The following WAPL variants were observed in gnomAD, a reference collection of about 807,000 sequenced individuals.
WAPL encodes the protein wings apart-like protein homolog.
WAPL carries 5 observed loss-of-function variants against 121.0 expected under a neutral mutation model. The observed-to-expected ratio is 0.04, with a 90% CI of 0.02 to 0.09. WAPL has a LOEUF of 0.09. Ranked by LOEUF, WAPL falls within the 10% of genes least tolerant of loss-of-function variation. The probability of loss-of-function intolerance (pLI) is 1.00; values close to 1 mark genes in which losing one functional copy is unlikely to be tolerated. For missense variants in WAPL, 999 were observed against 1,410.8 expected (o/e 0.71, Z 4.68); for synonymous variants, 480 against 481.5 (o/e 1.00, Z 0.04).
intron 11 of WAPL, 35 bp downstream of exon 11, chr10:86,460,364 T>G: frequency 1.3e-6 from 2 of 1,540,300 alleles, no homozygotes; most frequent in Non-Finnish European, 1.8e-6. Context: ...CAATTAAGAC[T>G]GAATAATTTT....
intron 2 of WAPL, 127 bp downstream of exon 2, chr10:86,517,444 T>A (rs778634346): frequency 2.3e-6 from 3 of 1,321,808 alleles, no homozygotes; most frequent in Non-Finnish European, 3.0e-6. Context: ...TTTACAAAAC[T>A]ATCAATGGTC....
chr10:86,465,316 A>G (rs1841373017), intron 9 of WAPL, among the ~76,000 whole-genome samples: 1 of 152,006 alleles, frequency 6.6e-6, no homozygotes, highest in East Asian at 1.9e-4. Context: ...GGCGATTCTC[A>G]TGTCTCAGAC....
chr10:86,450,525 C>T (rs1840951799), intron 15 of WAPL, among the ~76,000 whole-genome samples: 1 of 152,150 alleles, frequency 6.6e-6, no homozygotes, highest in South Asian at 2.1e-4. Context: ...TGTGAGCTAC[C>T]TTGCCCGGCC....
intron 15 of WAPL, among the ~76,000 whole-genome samples, chr10:86,449,057 G>A (rs1310021694): frequency 9.9e-5 from 15 of 152,116 alleles, no homozygotes; most frequent in Admixed American, 6.5e-5. Flanking sequence ...CCCCCACTAC[G>A]TATGTGAATT....
In WAPL at chr10:86,521,731, C is replaced by T. The variant is rs1255914964; in HGVS notation, c.-389G>A. 2.2e-6 allele frequency: 1 copy of T among 450,786 alleles called. No individual in the cohort carries two copies. The allele number at this position is 450,786 out of a possible 1,614,324, so 27.9% of individuals were successfully genotyped here. A position where few individuals can be genotyped will look rare whatever the true frequency, so the allele number is the denominator to read the frequency against. ...GAGTTTGAACAGGGCCCTGAACCAT[C>T]TCAACGCCATTTGCGCTCCCGGCCC... On this transcript the variant is annotated 5_prime_UTR_variant, in exon 1 of 19. Coordinates refer to ENST00000298767, the MANE Select transcript of WAPL (RefSeq NM_015045.5).
At chr10:86,463,061 AC>A (rs1435149313) in intron 9 of WAPL, among the ~76,000 whole-genome samples, 4 of 152,258 alleles carry the variant, frequency 2.6e-5, no homozygotes, top group African/African-American at 9.6e-5. Flanking sequence ...AAAACAGCCT[AC>A]TAATCAAGCA....
intron 2 of WAPL, among the ~76,000 whole-genome samples, chr10:86,511,551 A>G (rs1450065521): frequency 2.0e-5 from 3 of 152,214 alleles, no homozygotes; most frequent in African/African-American, 7.2e-5. Flanking sequence ...TCAACCTCTG[A>G]ACTGTGCCTT....
chr10:86,486,179 TAGTC>T (rs1237093892), intron 4 of WAPL, among the ~76,000 whole-genome samples: 6 of 152,260 alleles, frequency 3.9e-5, no homozygotes, highest in Admixed American at 3.3e-4. Flanking sequence ...GATCTCAAGA[TAGTC>T]AGTGAGTCCC....
At chr10:86,496,269 A>G (rs922040734) in intron 4 of WAPL, among the ~76,000 whole-genome samples, 5 of 152,236 alleles carry the variant, frequency 3.3e-5, no homozygotes, top group African/African-American at 1.2e-4. Context: ...CCATTAGGCT[A>G]TTATCAAAAA....
At chr10:86,468,622 C>T (rs1841458075) in intron 8 of WAPL, among the ~76,000 whole-genome samples, 1 of 152,178 alleles carries the variant, frequency 6.6e-6, no homozygotes. Context: ...GTGTTTACAT[C>T]TGTATATAAA....
intron 16 of WAPL, chr10:86,443,569 T>C (rs963753320): frequency 2.1e-6 from 1 of 480,914 alleles, no homozygotes; most frequent in African/African-American, 1.9e-5. Flanking sequence ...AAACTTTTAG[T>C]TAAAATTTTT....
chr10:86,472,474 G>C lies in WAPL; in HGVS notation c.1894-130C>G. The C allele has an allele frequency of 6.7e-7, 1 of 1,500,120 alleles. No individual in the cohort carries two copies. 92.9% of individuals were successfully genotyped at this position (1,500,120 alleles called of 1,614,324 possible). A position where few individuals can be genotyped will look rare whatever the true frequency, so the allele number is the denominator to read the frequency against. On this transcript the variant is annotated intron_variant, in intron 6 of 18. Transcript: ENST00000298767. The surrounding 1 kb of genome is among the most constrained non-coding windows in gnomAD (Gnocchi z 4.2). ...GGCAACAAAAATATTTTTAGAACAA[G>C]GATGATGGTAGGACAAAAGAAGTTT...
intron 2 of WAPL, among the ~76,000 whole-genome samples, chr10:86,510,099 G>C (rs1272117558): frequency 9.2e-6 from 1 of 109,220 alleles, no homozygotes; most frequent in African/African-American, 3.8e-5. Flanking sequence ...TTTTGAGACA[G>C]AGTCTCGTTC....
At position 86,446,102 on chromosome 10, in the gene WAPL, C is replaced by T. The variant is rs189393457; in HGVS notation, c.3322+140G>A. On this transcript the variant is annotated intron_variant, in intron 16 of 18. Coordinates refer to ENST00000298767, the MANE Select transcript of WAPL (RefSeq NM_015045.5). ...AGAACTACCACAAGCACTTAAGTAT[C>T]AAAGCTTGTCTGGACTGAACTAGAG... 233 of 890,364 alleles carry T rather than the reference C, an allele frequency of 2.6e-4. No individual in the cohort carries two copies. In the African/African-American group the frequency reaches 2.8e-3, roughly 11 times the overall value. The allele number at this position is 890,364 out of a possible 1,614,324, so 55.2% of individuals were successfully genotyped here.
chr10:86,454,226 G>A (rs982000355), intron 12 of WAPL, among the ~76,000 whole-genome samples: 6 of 152,146 alleles, frequency 3.9e-5, no homozygotes, highest in Non-Finnish European at 8.8e-5. Flanking sequence ...ACGCATTAGA[G>A]CAAATCATTA....
At chr10:86,457,199 C>T (rs1411985011) in intron 12 of WAPL, among the ~76,000 whole-genome samples, 1 of 151,940 alleles carries the variant, frequency 6.6e-6, no homozygotes, top group African/African-American at 2.4e-5. Context: ...GGTAAGAGCA[C>T]TAAATACAGG....
At chr10:86,439,003 G>A (rs1241015067) in intron 17 of WAPL, among the ~76,000 whole-genome samples, 1 of 152,078 alleles carries the variant, frequency 6.6e-6, no homozygotes, top group Non-Finnish European at 1.5e-5. Flanking sequence ...CTGTAGTAAG[G>A]GGCAAAAGAA....
chr10:86,489,050 G>T (rs1229460227), intron 4 of WAPL, among the ~76,000 whole-genome samples: 1 of 152,198 alleles, frequency 6.6e-6, no homozygotes, highest in African/African-American at 2.4e-5. Flanking sequence ...CCTCTGTATT[G>T]CCATCAAAAC....
At position 86,453,883 on chromosome 10, in the gene WAPL, A is replaced by G. The variant is rs759896978; in HGVS notation, c.2658-52T>C. 6 of 1,330,968 alleles carry G rather than the reference A, an allele frequency of 4.5e-6. No individual in the cohort carries two copies. The Admixed American group carries it at 2.0e-4, about 44-fold the overall frequency. The allele number at this position is 1,330,968 out of a possible 1,614,324, so 82.4% of individuals were successfully genotyped here. A position where few individuals can be genotyped will look rare whatever the true frequency, so the allele number is the denominator to read the frequency against. On this transcript the variant is annotated intron_variant, in intron 12 of 18. Transcript: ENST00000298767. ...TTATAGTAAATAATAATAGGTACAC[A>G]GCAAATTTCTATTTACTTGAACCTA...
Sources: gnomAD v4.1 joint callset for allele counts (sites outside exome capture counted in the v4.1 genomes callset) on GRCh38, gnomAD v4.1.1 for gene constraint, Gnocchi (gnomAD v3.1) non-coding constraint, MANE v1.5 for transcripts, NCBI Gene and HGNC (gene_info 2026-07-23, HGNC 2026-07-21) for gene names.